The following MLLT3 variants were observed in gnomAD, a reference collection of about 807,000 sequenced individuals.
The protein encoded by MLLT3 is MLLT3 super elongation complex subunit, also known as protein AF-9.
MLLT3 carries 4 observed loss-of-function variants against 53.2 expected under a neutral mutation model. That is an observed-to-expected ratio of 0.08 (90% CI 0.04 to 0.17). The LOEUF (loss-of-function observed/expected upper bound fraction) is 0.17. Ranked by LOEUF, MLLT3 falls within the 10% of genes least tolerant of loss-of-function variation. MLLT3 has a pLI of 1.00. For synonymous variants in MLLT3, 283 were observed against 230.6 expected, an observed-to-expected ratio of 1.23 and a Z score of -2.06; for missense variants, 569 against 684.0, an observed-to-expected ratio of 0.83 and a Z score of 1.87.
At chr9:20,567,019 A>C (rs1334223400) in intron 2 of MLLT3, among the ~76,000 whole-genome samples, 1 of 152,122 alleles carries the variant, frequency 6.6e-6, no homozygotes, top group African/African-American at 2.4e-5. Context: ...CCGTCCAGCA[A>C]CCGCATATAG....
chr9:20,459,872 G>A (rs189053670), intron 2 of MLLT3, among the ~76,000 whole-genome samples: 25 of 152,212 alleles, frequency 1.6e-4, no homozygotes, highest in Non-Finnish European at 3.7e-4. Flanking sequence ...GTAAACCCCT[G>A]AGTTCTTAAT....
chr9:20,509,109 T>C (rs1825455919), intron 2 of MLLT3, among the ~76,000 whole-genome samples: 1 of 152,184 alleles, frequency 6.6e-6, no homozygotes, highest in African/African-American at 2.4e-5. Context: ...GTATGTACAA[T>C]GCCCACAACC....
intron 2 of MLLT3, among the ~76,000 whole-genome samples, chr9:20,496,771 G>A (rs1033648980): frequency 6.6e-6 from 1 of 152,194 alleles, no homozygotes; most frequent in African/African-American, 2.4e-5. Context: ...CACTATGCCA[G>A]TGGATTCAGG....
intron 5 of MLLT3, among the ~76,000 whole-genome samples, chr9:20,402,929 C>A (rs914142584): frequency 6.6e-6 from 1 of 152,160 alleles, no homozygotes; most frequent in South Asian, 2.1e-4. Context: ...ATTGGCCGTA[C>A]GCCTGACAGG....
At chr9:20,474,670 G>C (rs180820492) in intron 2 of MLLT3, among the ~76,000 whole-genome samples, 1 of 151,958 alleles carries the variant, frequency 6.6e-6, no homozygotes, top group East Asian at 1.9e-4. Flanking sequence ...CCTATAAGCA[G>C]TTTGACCAAC....
chr9:20,488,812 G>T (rs569460599), intron 2 of MLLT3, among the ~76,000 whole-genome samples: 1 of 152,260 alleles, frequency 6.6e-6, no homozygotes, highest in Non-Finnish European at 1.5e-5. Context: ...AAAACTTAAA[G>T]ATCAGATAAA....
intron 2 of MLLT3, among the ~76,000 whole-genome samples, chr9:20,577,988 T>C (rs989336485): frequency 2.0e-5 from 3 of 152,204 alleles, no homozygotes; most frequent in Non-Finnish European, 4.4e-5. Flanking sequence ...AATCTCTCCC[T>C]GCTAAAACTG....
chr9:20,579,833 A>C (rs1322945877), intron 2 of MLLT3, among the ~76,000 whole-genome samples: 1 of 152,198 alleles, frequency 6.6e-6, no homozygotes, highest in African/African-American at 2.4e-5. Flanking sequence ...CACAGAGCTC[A>C]GTATGGGATG....
chr9:20,374,323 G>A (rs1821695703), intron 5 of MLLT3, among the ~76,000 whole-genome samples: 1 of 152,198 alleles, frequency 6.6e-6, no homozygotes, highest in Admixed American at 6.5e-5. Context: ...GTTTGAGGCT[G>A]CAGTGAGCTA....
At chr9:20,374,214 T>C (rs1039753501) in intron 5 of MLLT3, among the ~76,000 whole-genome samples, 1 of 152,078 alleles carries the variant, frequency 6.6e-6, no homozygotes, top group African/African-American at 2.4e-5. Flanking sequence ...GAGATCCCCA[T>C]CTCTACAAAA....
At chr9:20,412,582 T>C (rs908951667) in intron 5 of MLLT3, among the ~76,000 whole-genome samples, 2 of 152,186 alleles carry the variant, frequency 1.3e-5, no homozygotes, top group African/African-American at 4.8e-5. Context: ...TATGCCCTCC[T>C]AGCCTTTGCC....
intron 2 of MLLT3, among the ~76,000 whole-genome samples, chr9:20,565,934 A>G (rs868310558): frequency 6.8e-5 from 1 of 14,654 alleles, no homozygotes; most frequent in Non-Finnish European, 1.2e-4. Flanking sequence ...ATATATATAT[A>G]TATTTATATA....
chr9:20,466,793 A>G (rs1480362287), intron 2 of MLLT3, among the ~76,000 whole-genome samples: 2 of 152,200 alleles, frequency 1.3e-5, no homozygotes, highest in African/African-American at 4.8e-5. Context: ...ACAAACATAA[A>G]AACTACTAGT....
chr9:20,354,190 T>C (rs1821106531), intron 9 of MLLT3, among the ~76,000 whole-genome samples: 1 of 152,206 alleles, frequency 6.6e-6, no homozygotes, highest in South Asian at 2.1e-4. Flanking sequence ...GGGATCACTA[T>C]CTAATTATCA....
chr9:20,375,734 G>A (rs1318993861), intron 5 of MLLT3, among the ~76,000 whole-genome samples: 2 of 150,864 alleles, frequency 1.3e-5, no homozygotes, highest in Non-Finnish European at 2.9e-5. Flanking sequence ...TCAGCCTCCT[G>A]AGTAGCTGGG....
Position 20,508,708 on chromosome 9 carries a change from A to C in MLLT3, c.194-51922T>G, listed in dbSNP as rs539577432. 6.3e-4 allele frequency among the ~76,000 whole-genome samples: 96 copies of C among 152,346 alleles called. 1 individual carries two copies. Among genetic ancestry groups the C allele is most frequent in the Non-Finnish European group, 1.2e-3 (80 of 68,028 alleles). ...TAATAAATTCATAAAAAAAAGTTTT[A>C]AACCCAAACGGCTAAAAAGATTTGA... On this transcript the variant is annotated intron_variant, in intron 2 of 10. Coordinates refer to ENST00000380338, the MANE Select transcript of MLLT3 (RefSeq NM_004529.4).
intron 2 of MLLT3, among the ~76,000 whole-genome samples, chr9:20,521,801 T>C (rs1433406563): frequency 6.6e-6 from 1 of 152,120 alleles, no homozygotes; most frequent in Non-Finnish European, 1.5e-5. Flanking sequence ...CATAAGCAAT[T>C]AAGACCAGCT....
chr9:20,451,270 G>T (rs1224251696), intron 3 of MLLT3, among the ~76,000 whole-genome samples: 1 of 152,158 alleles, frequency 6.6e-6, no homozygotes, highest in Non-Finnish European at 1.5e-5. Context: ...ATCATTAAAT[G>T]TAGTCAAAAG....
chr9:20,389,755 G>C (rs910648769), intron 5 of MLLT3, among the ~76,000 whole-genome samples: 1 of 152,140 alleles, frequency 6.6e-6, no homozygotes, highest in Non-Finnish European at 1.5e-5. Context: ...CTCCAGCCTG[G>C]GCAACACAGT....
Sources: allele counts gnomAD v4.1 joint callset (sites outside exome capture counted in the v4.1 genomes callset), GRCh38; gene constraint gnomAD v4.1.1; transcripts MANE v1.5; gene names NCBI Gene and HGNC (gene_info 2026-07-23, HGNC 2026-07-21).